Variants in ATG2B observed in about 807,000 individuals in gnomAD.
The protein encoded by ATG2B is autophagy related 2B.
In ATG2B, 121 loss-of-function variants were observed where a neutral mutation model predicts 241.3. The ratio of observed to expected loss-of-function variants is 0.50; its 90% CI spans 0.43 to 0.58. The LOEUF is 0.58. Among genes scored for constraint, ATG2B ranks in the 20% least tolerant of loss-of-function variants. The probability of loss-of-function intolerance (pLI) is 0.00; values close to 1 mark genes in which losing one functional copy is unlikely to be tolerated. For synonymous variants in ATG2B, 858 were observed against 876.6 expected (o/e 0.98, Z 0.37); for missense variants, 2,306 against 2,491.6 (o/e 0.93, Z 1.59).
rs1886315035 is a variant in ATG2B at position 96,285,704 on chromosome 14, C to G, written c.*51G>C. ...TTCCTCTGAAGCTGCTGTCAGGACTCTGAGCTCCTGGTTCCACTCTCCTTA... is the reference window on the plus strand; with the variant it reads ...TTCCTCTGAAGCTGCTGTCAGGACTGTGAGCTCCTGGTTCCACTCTCCTTA... On this transcript the variant is annotated 3_prime_UTR_variant, in exon 42 of 42. Coordinates refer to ENST00000359933, the MANE Select transcript of ATG2B (RefSeq NM_018036.7). The surrounding 1 kb of genome is among the most constrained non-coding windows in gnomAD (Gnocchi z 4.2). 1 of 1,558,168 alleles carries G rather than the reference C, an allele frequency of 6.4e-7. No homozygotes were observed. Among genetic ancestry groups the G allele is most frequent in the Non-Finnish European group, 8.8e-7 (1 of 1,132,844 alleles).
At position 96,285,796 on chromosome 14, in the gene ATG2B, G is replaced by C; in HGVS notation, c.6196C>G (p.Arg2066Gly). 6.2e-7 allele frequency: 1 copy of C among 1,614,004 alleles called. No individual in the cohort carries two copies. Among genetic ancestry groups the C allele is most frequent in the South Asian group, 1.1e-5 (1 of 91,066 alleles). ...GMRNQIRPDV[R>G]QDESQKWRHG... ...CGCCATTTCTGTGACTCGTCTTGCC[G>C]GACATCTGGCCTAATTTGGTTTCTC... The change falls in exon 42 of 42, where the codon CGG (arginine) becomes GGG (glycine). Residue 2066 changes from arginine (R) to glycine (G), a missense_variant. Transcript: ENST00000359933. This position sits in a 1 kb window ranked among gnomAD's most constrained non-coding sequence, Gnocchi z 4.2.
At chr14:96,362,174 C>A (rs1051482683) in intron 1 of ATG2B, among the ~76,000 whole-genome samples, 4 of 152,096 alleles carry the variant, frequency 2.6e-5, no homozygotes, top group African/African-American at 9.7e-5. Flanking sequence ...CTTTTACGAT[C>A]TGTCACGTGG....
At chr14:96,331,168 G>A (rs902544418) in intron 11 of ATG2B, among the ~76,000 whole-genome samples, 2 of 152,204 alleles carry the variant, frequency 1.3e-5, no homozygotes, top group Non-Finnish European at 1.5e-5. Context: ...CTGTTATTCT[G>A]CATGCCAAAT....
chr14:96,347,448 A>G (rs1319912133), intron 1 of ATG2B, 107 bp from the exon 2 acceptor site: 2 of 806,024 alleles, frequency 2.5e-6, no homozygotes, highest in Non-Finnish European at 3.6e-6. Context: ...CACTAGGTAT[A>G]AAGAAAGCAG....
At chr14:96,317,061 A>G in intron 20 of ATG2B, 84 bp downstream of exon 20, 2 of 1,259,988 alleles carry the variant, frequency 1.6e-6, no homozygotes, top group Non-Finnish European at 2.2e-6. Flanking sequence ...AATATCAAAT[A>G]CTTCAATCAC....
In ATG2B at chr14:96,285,447, A is replaced by G. The variant is rs1207126366; in HGVS notation, c.*308T>C. ...ACAAAGTGTTAGAAGGCAGCTTCCAATGATCTCTCGTCGGTAACAAGGAGA... is the reference window on the plus strand; with the variant it reads ...ACAAAGTGTTAGAAGGCAGCTTCCAGTGATCTCTCGTCGGTAACAAGGAGA... On this transcript the variant is annotated 3_prime_UTR_variant, in exon 42 of 42. Transcript: ENST00000359933. This position sits in a 1 kb window ranked among gnomAD's most constrained non-coding sequence, Gnocchi z 4.2. The G allele has an allele frequency of 1.9e-5, 6 of 322,776 alleles. No individual in the cohort carries two copies. Among genetic ancestry groups the G allele is most frequent in the African/African-American group, 1.0e-4 (5 of 47,918 alleles). The allele number at this position is 322,776 out of a possible 1,614,324, so 20.0% of individuals were successfully genotyped here.
chr14:96,314,001 T>C lies in ATG2B; in HGVS notation c.3643-566A>G, dbSNP rs550914870. 3.9e-3 allele frequency among the ~76,000 whole-genome samples: 588 copies of C among 152,338 alleles called. 6 individuals are homozygous for C. The highest frequency in any genetic ancestry group is 0.013 in the African/African-American group (543 of 41,592). ...GTTGAAGGAAGCTCTTTTTCCTTAA[T>C]GTATACCTAGCTCAGTCTAAAAACC... On this transcript the variant is annotated intron_variant, in intron 23 of 41. Transcript: ENST00000359933.
chr14:96,331,487 G>C lies in ATG2B; in HGVS notation c.1619C>G (p.Ala540Gly). ...SQNLNPLTPM[A>G]VAFFTCIEKI... ...TTCTATACAAGTAAAGAAAGCTACT[G>C]CCATAGGTGTCAATGGATTAAGGTT... Residue 540 changes from alanine to glycine, a missense_variant, in exon 11 of 42, where the codon GCA becomes GGA. Transcript: ENST00000359933. 6.2e-7 allele frequency: 1 copy of C among 1,614,012 alleles called. No homozygotes were observed. The highest frequency in any genetic ancestry group is 1.3e-5 in the African/African-American group (1 of 75,042).
chr14:96,300,153 C>CT (rs1323927943), intron 34 of ATG2B, among the ~76,000 whole-genome samples: 1 of 152,068 alleles, frequency 6.6e-6, no homozygotes, highest in African/African-American at 2.4e-5. Context: ...ATTAATAACT[C>CT]TCCACTTTAA....
intron 14 of ATG2B, 46 bp from the exon 15 acceptor site, chr14:96,325,968 G>A: frequency 6.4e-7 from 1 of 1,568,704 alleles, no homozygotes; most frequent in Non-Finnish European, 8.7e-7. Flanking sequence ...TAAAGTAAAT[G>A]AACATAAATT....
chr14:96,360,367 T>A (rs1009122754), intron 1 of ATG2B, among the ~76,000 whole-genome samples: 9 of 152,248 alleles, frequency 5.9e-5, no homozygotes, highest in Non-Finnish European at 1.0e-4. Flanking sequence ...AAAGACTACT[T>A]GTACTATGAG....
chr14:96,362,201 T>C (rs1223537526), intron 1 of ATG2B, among the ~76,000 whole-genome samples: 1 of 152,028 alleles, frequency 6.6e-6, no homozygotes, highest in Admixed American at 6.5e-5. Context: ...GAGGCATAAC[T>C]CAACAGCACT....
chr14:96,327,287 T>C (rs1026547054), intron 14 of ATG2B, among the ~76,000 whole-genome samples: 2 of 151,964 alleles, frequency 1.3e-5, no homozygotes, highest in African/African-American at 4.8e-5. Context: ...TTGATGTGAA[T>C]ACTCAATACT....
chr14:96,319,468 T>G lies in ATG2B; in HGVS notation c.2880-1613A>C, dbSNP rs557932389. ...AAACAATTTTCGACACAGAAAACAT[T>G]CTCCTGTACCTAAAACCATACTGCT... On this transcript the variant is annotated intron_variant, in intron 18 of 41. Coordinates refer to ENST00000359933, the MANE Select transcript of ATG2B (RefSeq NM_018036.7). Among the ~76,000 whole-genome samples the G allele has an allele frequency of 3.9e-5, 6 of 152,204 alleles. No individual in the cohort carries two copies. The South Asian group carries it at 1.2e-3, about 32-fold the overall frequency.
In ATG2B at chr14:96,295,150, C is replaced by T. The variant is rs762767131; in HGVS notation, c.5236G>A (p.Ala1746Thr). Residue 1746 changes from alanine to threonine, a missense_variant, in exon 36 of 42, where the codon GCT (alanine) becomes ACT (threonine). Physicochemically the swap from Ala to Thr is moderately conservative, Grantham distance 58. Around this residue, in one of 2 missense-constraint regions of ATG2B, gnomAD observed 379 missense variants for 480.4 expected, o/e 0.79. Coordinates refer to ENST00000359933, the MANE Select transcript of ATG2B (RefSeq NM_018036.7). Reference sequence around the variant, plus strand: ...CTTGGCAAACTGCAGGTGACATCAGCTCCAGGAGACTTTTTAACTGAAAAT... The same window carrying T: ...CTTGGCAAACTGCAGGTGACATCAGTTCCAGGAGACTTTTTAACTGAAAAT... ...PDPEVKKSPG[A>T]DVTCSLPRHL... 9 of 1,613,950 alleles carry T rather than the reference C, an allele frequency of 5.6e-6. No homozygotes were observed. The highest frequency in any genetic ancestry group is 1.7e-5 in the Admixed American group (1 of 59,968).
At chr14:96,356,863 A>G (rs1888489063) in intron 1 of ATG2B, among the ~76,000 whole-genome samples, 2 of 152,210 alleles carry the variant, frequency 1.3e-5, no homozygotes, top group Admixed American at 6.5e-5. Flanking sequence ...CAGTAAACAG[A>G]AAGTTAGTAC....
Position 96,332,548 on chromosome 14 carries a change from T to C in ATG2B, c.1315A>G (p.Ser439Gly). 3.7e-6 allele frequency: 6 copies of C among 1,611,176 alleles called. No homozygotes were observed. The highest frequency in any genetic ancestry group is 3.4e-6 in the Non-Finnish European group (4 of 1,178,914). Residue 439 changes from serine (S) to glycine (G), a missense_variant, in exon 9 of 42, where the codon AGT becomes GGT. Around this residue, in one of 2 missense-constraint regions of ATG2B, gnomAD observed 1,927 missense variants for 2,011.2 expected, o/e 0.96. Coordinates refer to ENST00000359933, the MANE Select transcript of ATG2B (RefSeq NM_018036.7). Reference sequence around the variant, plus strand: ...CCTGCTGGGGTATTTGTATATGTACTAGTTAATGATAACTCAAGGTCCATG... The same window carrying C: ...CCTGCTGGGGTATTTGTATATGTACCAGTTAATGATAACTCAAGGTCCATG... ...PNMDLELSLT[S>G]TYTNTPAGSP...
In ATG2B at chr14:96,308,260, A is replaced by G. The variant is rs1226555810; in HGVS notation, c.4303+1193T>C. ...TATATATATATATATATACACACATATATATATATATATATATATATATTT... is the reference window on the plus strand; with the variant it reads ...TATATATATATATATATACACACATGTATATATATATATATATATATATTT... On this transcript the variant is annotated intron_variant, in intron 29 of 41. Transcript: ENST00000359933. 2.7e-3 allele frequency among the ~76,000 whole-genome samples: 47 copies of G among 17,256 alleles called. 5 individuals carry two copies. Among genetic ancestry groups the G allele is most frequent in the East Asian group, 0.017 (19 of 1,108 alleles). The allele number at this position is 17,256 out of a possible 152,430, so 11.3% of individuals were successfully genotyped here.
At chr14:96,294,312 T>C (rs957910244) in intron 36 of ATG2B, among the ~76,000 whole-genome samples, 7 of 152,314 alleles carry the variant, frequency 4.6e-5, no homozygotes, top group African/African-American at 1.4e-4. Context: ...GTCCCTTCTC[T>C]TTCCCATAGG....
Sources: allele counts gnomAD v4.1 joint callset (sites outside exome capture counted in the v4.1 genomes callset), GRCh38; gene constraint gnomAD v4.1.1; regional missense constraint gnomAD v4.1.1; non-coding constraint Gnocchi (gnomAD v3.1); transcripts MANE v1.5; gene names NCBI Gene and HGNC (gene_info 2026-07-23, HGNC 2026-07-21).